SYNPR: variants seen among roughly 807,000 people sequenced by gnomAD.
SYNPR encodes the protein synaptoporin.
SYNPR carries 23 observed loss-of-function variants against 32.9 expected under a neutral mutation model. The observed-to-expected ratio is 0.70, with a 90% confidence interval of 0.50 to 0.99. The LOEUF (loss-of-function observed/expected upper bound fraction) is 0.99, where lower values mean the gene tolerates loss of function less well. Ranked by LOEUF, SYNPR falls within the 50% of genes least tolerant of loss-of-function variation. SYNPR has a pLI of 0.00. For synonymous variants in SYNPR, 146 were observed against 135.9 expected (o/e 1.07, Z -0.52); for missense variants, 318 against 349.3 (o/e 0.91, Z 0.71).
chr3:63,239,425 C>T (rs1166627873), intron 1 of SYNPR, among the ~76,000 whole-genome samples: 1 of 151,170 alleles, frequency 6.6e-6, no homozygotes, highest in Non-Finnish European at 1.5e-5. Context: ...CTACCATTGC[C>T]CAGTGTGTCA....
At chr3:63,356,409 G>C (rs2087578204) in intron 2 of SYNPR, among the ~76,000 whole-genome samples, 1 of 152,224 alleles carries the variant, frequency 6.6e-6, no homozygotes, top group Non-Finnish European at 1.5e-5. Context: ...TTATGTGTTA[G>C]ACAGTATGGT....
In SYNPR at chr3:63,471,129, A is replaced by G. The variant is rs1477335438; in HGVS notation, c.85-9703A>G. Among the ~76,000 whole-genome samples, 4 of 152,208 alleles carry G rather than the reference A, an allele frequency of 2.6e-5. No individual in the cohort carries two copies. The East Asian group carries it at 7.7e-4, about 29-fold the overall frequency. Reference sequence around the variant, plus strand: ...GGCTGCTTTTGCCTGAGAAGATTTCACACAAATCACAAAGCAGTTAGAAGG... The same window carrying G: ...GGCTGCTTTTGCCTGAGAAGATTTCGCACAAATCACAAAGCAGTTAGAAGG... On this transcript the variant is annotated intron_variant, in intron 2 of 5. Transcript: ENST00000478300.
chr3:63,217,804 T>C, the SYNPR span, among the ~76,000 whole-genome samples: 5 of 152,174 alleles, frequency 3.3e-5, no homozygotes, highest in Non-Finnish European at 5.9e-5. Flanking sequence ...AATGAGAAGT[T>C]CATTAAATTT....
At chr3:63,517,834 T>A (rs1180175040) in intron 3 of SYNPR, among the ~76,000 whole-genome samples, 1 of 152,144 alleles carries the variant, frequency 6.6e-6, no homozygotes, top group Non-Finnish European at 1.5e-5. Flanking sequence ...AAAGCCAGAA[T>A]CCTAATCATT....
At chr3:63,588,419 ATT>A (rs1160911830) in intron 4 of SYNPR, among the ~76,000 whole-genome samples, 1 of 152,042 alleles carries the variant, frequency 6.6e-6, no homozygotes, top group East Asian at 1.9e-4. Context: ...TTCCAGCTAT[ATT>A]TATAATGCCC....
intron 2 of SYNPR, among the ~76,000 whole-genome samples, chr3:63,261,404 A>G (rs1484240736): frequency 6.6e-6 from 1 of 151,816 alleles, no homozygotes; most frequent in Non-Finnish European, 1.5e-5. Flanking sequence ...TGATGAGTTC[A>G]TGTCCTTTGT....
At chr3:63,211,670 G>A in the SYNPR span, among the ~76,000 whole-genome samples, 2 of 151,480 alleles carry the variant, frequency 1.3e-5, no homozygotes, top group African/African-American at 2.4e-5. Context: ...GAAGCACTCT[G>A]CTGAGAAATC....
chr3:63,389,629 C>T (rs951704089), intron 2 of SYNPR, among the ~76,000 whole-genome samples: 2 of 152,196 alleles, frequency 1.3e-5, no homozygotes, highest in Admixed American at 6.5e-5. Context: ...GACACCCCAT[C>T]AGCCCCTTTG....
chr3:63,219,266 G>A, the SYNPR span, among the ~76,000 whole-genome samples: 1 of 152,154 alleles, frequency 6.6e-6, no homozygotes, highest in Non-Finnish European at 1.5e-5. Flanking sequence ...TTGTAAGTCT[G>A]CGAGCAGGAA....
intron 3 of SYNPR, among the ~76,000 whole-genome samples, chr3:63,510,159 A>C (rs1377495025): frequency 6.6e-6 from 1 of 152,178 alleles, no homozygotes; most frequent in Non-Finnish European, 1.5e-5. Context: ...TGAAAGGATT[A>C]TGTGATAGAG....
intron 3 of SYNPR, among the ~76,000 whole-genome samples, chr3:63,519,809 C>T (rs999305163): frequency 5.3e-5 from 8 of 152,092 alleles, no homozygotes; most frequent in Non-Finnish European, 1.2e-4. Context: ...TCTTTAATGG[C>T]ACCTTTATTA....
chr3:63,492,867 T>C (rs747180518), intron 3 of SYNPR, among the ~76,000 whole-genome samples: 3 of 151,926 alleles, frequency 2.0e-5, no homozygotes, highest in Admixed American at 1.3e-4. Flanking sequence ...TTTCCTAGAA[T>C]AGGAAAGAGA....
chr3:63,227,176 C>T (rs1426923946), upstream of SYNPR, among the ~76,000 whole-genome samples: 1 of 152,230 alleles, frequency 6.6e-6, no homozygotes, highest in African/African-American at 2.4e-5. Flanking sequence ...GGGCCGGGCA[C>T]ATATATCCCA....
intron 5 of SYNPR, among the ~76,000 whole-genome samples, chr3:63,609,840 G>T (rs1700173664): frequency 6.6e-6 from 1 of 152,118 alleles, no homozygotes; most frequent in Non-Finnish European, 1.5e-5. Flanking sequence ...AACCCAGGAG[G>T]CGGAGGTTGC....
At chr3:63,210,940 TC>T in the SYNPR span, among the ~76,000 whole-genome samples, 9,972 of 152,160 alleles carry the variant, frequency 0.066, 397 homozygotes, top group Middle Eastern at 0.085. Context: ...CCTTCACACA[TC>T]CTTTACTGGT....
chr3:63,497,784 G>A (rs967100544), intron 3 of SYNPR, among the ~76,000 whole-genome samples: 2 of 152,128 alleles, frequency 1.3e-5, no homozygotes, highest in Non-Finnish European at 2.9e-5. Flanking sequence ...AGAAGAAAAT[G>A]AATGTAAATT....
chr3:63,357,362 A>G (rs1447392064), intron 2 of SYNPR, among the ~76,000 whole-genome samples: 3 of 151,866 alleles, frequency 2.0e-5, no homozygotes, highest in Admixed American at 6.6e-5. Flanking sequence ...AAGAATAATC[A>G]ATGTCCTGAC....
intron 2 of SYNPR, among the ~76,000 whole-genome samples, chr3:63,262,559 C>T (rs1216014014): frequency 1.3e-5 from 2 of 152,164 alleles, no homozygotes; most frequent in Non-Finnish European, 2.9e-5. Flanking sequence ...TTCCACAGGG[C>T]AGGGTGTTAC....
intron 3 of SYNPR, among the ~76,000 whole-genome samples, chr3:63,483,394 T>C (rs76988459): frequency 0.062 from 9,398 of 152,172 alleles, 419 homozygotes; most frequent in Admixed American, 0.13. Flanking sequence ...ATGCACAATA[T>C]AATTTTAAAT....
Sources: allele counts gnomAD v4.1 joint callset (sites outside exome capture counted in the v4.1 genomes callset), GRCh38; gene constraint gnomAD v4.1.1; transcripts MANE v1.5; gene names NCBI Gene and HGNC (gene_info 2026-07-23, HGNC 2026-07-21).